Variants in PRKAR1B observed in about 807,000 individuals in gnomAD.
PRKAR1B encodes cAMP-dependent protein kinase type I-beta regulatory subunit.
PRKAR1B carries 22 observed loss-of-function variants against 46.5 expected under a neutral mutation model. The ratio of observed to expected loss-of-function variants is 0.47; its 90% CI spans 0.34 to 0.68. The LOEUF (loss-of-function observed/expected upper bound fraction) is 0.68. Ranked by LOEUF, PRKAR1B falls within the 30% of genes least tolerant of loss-of-function variation. PRKAR1B has a pLI of 0.01. For missense variants in PRKAR1B, 445 were observed against 535.6 expected (o/e 0.83, Z 1.67); for synonymous variants, 259 against 217.7 (o/e 1.19, Z -1.67).
At chr7:697,131 C>A (rs911022789) in intron 2 of PRKAR1B, 1 of 152,218 alleles carries the variant, frequency 6.6e-6, no homozygotes, top group Non-Finnish European at 1.5e-5. Flanking sequence ...CAGAAAGCTC[C>A]GTGGCCAGAA....
chr7:647,803 T>C (rs1583352954), intron 4 of PRKAR1B, among the ~76,000 whole-genome samples: 4 of 54,816 alleles, frequency 7.3e-5, no homozygotes, highest in Non-Finnish European at 9.2e-5. Flanking sequence ...AGACTTCGTC[T>C]CCAAAAAAAA....
intron 1 of PRKAR1B, among the ~76,000 whole-genome samples, chr7:718,254 A>C (rs1780947526): frequency 1.5e-5 from 1 of 64,666 alleles, no homozygotes; most frequent in Admixed American, 1.8e-4. Flanking sequence ...AGCTTTATAG[A>C]TACACACACA....
At chr7:643,404 G>A (rs956077566) in intron 4 of PRKAR1B, among the ~76,000 whole-genome samples, 1 of 151,458 alleles carries the variant, frequency 6.6e-6, no homozygotes, top group Admixed American at 6.6e-5. Context: ...ACAACTGGAC[G>A]ATCCTTCGCA....
intron 1 of PRKAR1B, chr7:726,609 G>C (rs1781297075): frequency 1.2e-6 from 1 of 833,802 alleles, no homozygotes; most frequent in Non-Finnish European, 1.6e-6. Flanking sequence ...CGCACCGGCG[G>C]GGAGGAAGTA....
In PRKAR1B at chr7:704,142, TAAG is replaced by T. The variant is rs1360405194; in HGVS notation, c.177+7184_177+7186del. On this transcript the variant is annotated intron_variant, in intron 2 of 10. Coordinates refer to ENST00000537384, the MANE Select transcript of PRKAR1B (RefSeq NM_001164760.2). ...GCCTTAATCATCTAAAATTTCACCT[TAAG>T]AAATTTTATGAAGAACAGATAAAAC... Among the ~76,000 whole-genome samples the T allele has an allele frequency of 3.3e-5, 5 of 152,066 alleles. No homozygotes were observed. The East Asian group carries it at 9.6e-4, about 29-fold the overall frequency.
intron 1 of PRKAR1B, chr7:726,558 G>T: frequency 4.2e-6 from 2 of 479,706 alleles, no homozygotes; most frequent in Non-Finnish European, 6.5e-6. Flanking sequence ...GGCGACAGAG[G>T]GGGACAGCGG....
intron 4 of PRKAR1B, among the ~76,000 whole-genome samples, chr7:640,342 A>T (rs1347567234): frequency 1.3e-5 from 2 of 152,184 alleles, no homozygotes; most frequent in African/African-American, 4.8e-5. Flanking sequence ...CCATAATAAG[A>T]CCAAGAACTC....
chr7:630,578 T>C (rs1403588532), intron 4 of PRKAR1B, among the ~76,000 whole-genome samples: 1 of 152,232 alleles, frequency 6.6e-6, no homozygotes, highest in Admixed American at 6.5e-5. Flanking sequence ...ACCTTTGTTC[T>C]AAGTGAAGAG....
intron 6 of PRKAR1B, among the ~76,000 whole-genome samples, chr7:600,360 C>G (rs964281545): frequency 6.6e-6 from 1 of 152,146 alleles, no homozygotes; most frequent in African/African-American, 2.4e-5. Context: ...TTAAAATTAG[C>G]TGGACGTGGT....
At chr7:607,536 G>T in intron 4 of PRKAR1B, 84 bp from the exon 5 acceptor site, 1 of 1,188,834 alleles carries the variant, frequency 8.4e-7, no homozygotes, top group Non-Finnish European at 1.2e-6. Context: ...ACAGTCTTGT[G>T]TAAATCGCTT....
At chr7:604,836 C>T (rs1464874889) in intron 6 of PRKAR1B, among the ~76,000 whole-genome samples, 1 of 152,112 alleles carries the variant, frequency 6.6e-6, no homozygotes, top group African/African-American at 2.4e-5. Flanking sequence ...AGGCCACCTC[C>T]TGGGGCAGGT....
chr7:676,152 G>A (rs1786569224), intron 4 of PRKAR1B, among the ~76,000 whole-genome samples: 1 of 152,164 alleles, frequency 6.6e-6, no homozygotes, highest in Admixed American at 6.5e-5. Flanking sequence ...CTTAACGCCT[G>A]TCCCCCAAAT....
intron 2 of PRKAR1B, among the ~76,000 whole-genome samples, chr7:687,014 T>C (rs1234536527): frequency 6.6e-6 from 1 of 152,210 alleles, no homozygotes; most frequent in Non-Finnish European, 1.5e-5. Context: ...TCCCTGGGAC[T>C]GAATCTCAGC....
At chr7:680,474 C>A in intron 3 of PRKAR1B, 82 bp downstream of exon 3, 2 of 1,371,554 alleles carry the variant, frequency 1.5e-6, no homozygotes, top group Non-Finnish European at 1.9e-6. Flanking sequence ...ATGAGGGTGC[C>A]CCGTGGGCTT....
At chr7:554,153 T>A (rs1583191059) in intron 9 of PRKAR1B, among the ~76,000 whole-genome samples, 1 of 152,100 alleles carries the variant, frequency 6.6e-6, no homozygotes, top group South Asian at 2.1e-4. Context: ...TGGCGGAGGG[T>A]GAAACTCCTG....
intron 8 of PRKAR1B, among the ~76,000 whole-genome samples, chr7:580,230 C>CAAAAAAAAAAAAAAAAA (rs1325090684): frequency 9.5e-6 from 1 of 104,868 alleles, no homozygotes; most frequent in Non-Finnish European, 1.9e-5. Flanking sequence ...CACCCTGTCT[C>CAAAAAAAAAAAAAAAAA]AAAAAAAAAA....
At chr7:622,348 C>T (rs896303393) in intron 4 of PRKAR1B, among the ~76,000 whole-genome samples, 2 of 152,212 alleles carry the variant, frequency 1.3e-5, no homozygotes, top group African/African-American at 4.8e-5. Context: ...GCCTCCCGCT[C>T]ACTCCTCCCG....
At chr7:619,154 A>G (rs1399916828) in intron 4 of PRKAR1B, among the ~76,000 whole-genome samples, 1 of 152,160 alleles carries the variant, frequency 6.6e-6, no homozygotes, top group African/African-American at 2.4e-5. Context: ...GGGAAAACAC[A>G]GTGTCCACGC....
intron 9 of PRKAR1B, among the ~76,000 whole-genome samples, chr7:555,058 T>C (rs1778343746): frequency 6.6e-6 from 1 of 152,214 alleles, no homozygotes; most frequent in Middle Eastern, 3.2e-3. Flanking sequence ...AGACAGAACC[T>C]ACCTCTTTCT....
Sources: gnomAD v4.1 joint callset for allele counts (sites outside exome capture counted in the v4.1 genomes callset) on GRCh38, gnomAD v4.1.1 for gene constraint, MANE v1.5 for transcripts, NCBI Gene and HGNC (gene_info 2026-07-23, HGNC 2026-07-21) for gene names.